Variants in LRPPRC observed in about 807,000 individuals in gnomAD.
LRPPRC encodes leucine rich pentatricopeptide repeat containing.
A neutral mutation model predicts 180.3 loss-of-function variants in LRPPRC; 120 were observed. The observed-to-expected ratio is 0.67, with a 90% CI of 0.57 to 0.77. The LOEUF is 0.77. LRPPRC is among the 30% of genes least tolerant of loss of function. The pLI, the probability that LRPPRC is intolerant of heterozygous loss-of-function variation, is 0.00. For missense variants in LRPPRC, 2,012 were observed against 1,657.2 expected (o/e 1.21, Z -3.72); for synonymous variants, 723 against 600.0 (o/e 1.21, Z -3.00).
intron 23 of LRPPRC, among the ~76,000 whole-genome samples, chr2:43,937,473 CT>C (rs2105065586): frequency 6.6e-6 from 1 of 152,232 alleles, no homozygotes; most frequent in East Asian, 1.9e-4. Context: ...CACTATTAAT[CT>C]TTCATAATAA....
At chr2:43,925,661 T>C (rs1671850253) in intron 26 of LRPPRC, among the ~76,000 whole-genome samples, 2 of 152,138 alleles carry the variant, frequency 1.3e-5, no homozygotes, top group African/African-American at 4.8e-5. Flanking sequence ...GTCAGCCTGC[T>C]CCAACCAACT....
chr2:43,932,123 CAA>C (rs746600862), intron 25 of LRPPRC, among the ~76,000 whole-genome samples: 6 of 20,840 alleles, frequency 2.9e-4, no homozygotes, highest in African/African-American at 7.6e-4. Flanking sequence ...GACCCTGTCT[CAA>C]AAAAAAAAAA....
chr2:43,984,719 G>A (rs1429202665), intron 1 of LRPPRC, among the ~76,000 whole-genome samples: 4 of 152,176 alleles, frequency 2.6e-5, no homozygotes, highest in African/African-American at 7.2e-5. Flanking sequence ...AAGTCCAGGG[G>A]TGACGGTGGG....
chr2:43,948,639 G>A, intron 16 of LRPPRC, 121 bp from the exon 17 acceptor site: 1 of 699,076 alleles, frequency 1.4e-6, no homozygotes, highest in Non-Finnish European at 2.6e-6. Flanking sequence ...GCTCTGAAAT[G>A]GCAACAATGA....
chr2:43,906,868 G>A (rs992352999), intron 30 of LRPPRC, among the ~76,000 whole-genome samples: 12 of 151,970 alleles, frequency 7.9e-5, no homozygotes, highest in Admixed American at 4.6e-4. Flanking sequence ...TTATTCCTCC[G>A]ACCAATCCTC....
intron 31 of LRPPRC, among the ~76,000 whole-genome samples, chr2:43,904,957 C>A (rs1483570695): frequency 6.6e-6 from 1 of 152,026 alleles, no homozygotes; most frequent in East Asian, 1.9e-4. Flanking sequence ...CGTCATAGTG[C>A]CCCTTGGGAG....
chr2:43,897,663 G>A (rs1319646780), intron 34 of LRPPRC, among the ~76,000 whole-genome samples: 1 of 152,006 alleles, frequency 6.6e-6, no homozygotes, highest in Non-Finnish European at 1.5e-5. Flanking sequence ...CTCTGCTGTT[G>A]CATCAACACT....
intron 15 of LRPPRC, among the ~76,000 whole-genome samples, chr2:43,950,316 C>G (rs558152654): frequency 6.6e-6 from 1 of 152,022 alleles, no homozygotes; most frequent in Non-Finnish European, 1.5e-5. Flanking sequence ...CACAGATCAT[C>G]CCATCACCCA....
At chr2:43,933,124 T>C (rs1672149341) in intron 25 of LRPPRC, among the ~76,000 whole-genome samples, 1 of 152,192 alleles carries the variant, frequency 6.6e-6, no homozygotes, top group Admixed American at 6.6e-5. Flanking sequence ...CTGTCCAAGA[T>C]AGCACGATAG....
chr2:43,894,714 A>T (rs1670619075), intron 35 of LRPPRC, 85 bp from the exon 36 acceptor site: 6 of 756,628 alleles, frequency 7.9e-6, no homozygotes, highest in Non-Finnish European at 1.2e-5. Context: ...TATATTAAAA[A>T]TTTTCACAAT....
rs1366538326 is a variant in LRPPRC at position 43,896,658 on chromosome 2, A to G, written c.3876T>C (p.Leu1292=). 1.2e-6 allele frequency: 2 copies of G among 1,611,192 alleles called. No individual in the cohort carries two copies. The highest frequency in any genetic ancestry group is 1.7e-6 in the Non-Finnish European group (2 of 1,177,412). ...CCTTTCCTTGTTTCCTAGAATTCCT[A>G]AGGAGGAACAACAACAAAATCGGGG... ...EQTPILLLFL[L]RNSRKQGKAS... is the part of the protein sequence containing the mutation. Residue 1292 remains leucine (L), a synonymous_variant, in exon 35 of 38, where the codon CTT becomes CTC. Transcript: ENST00000260665.
Position 43,988,639 on chromosome 2 carries a change from A to C in LRPPRC, c.150-6205T>G, listed in dbSNP as rs564040215. On this transcript the variant is annotated intron_variant, in intron 1 of 37. Coordinates refer to ENST00000260665, the MANE Select transcript of LRPPRC (RefSeq NM_133259.4). The stretch of plus-strand genomic sequence containing the variant: ...AGTTTTTGTTTGTTTGTTTTTTGAG[A>C]TGGAGTCTCGCTCTGTCACCTCCGG... 2.4e-3 allele frequency among the ~76,000 whole-genome samples: 363 copies of C among 152,214 alleles called. 3 individuals carry two copies. Among genetic ancestry groups the C allele is most frequent in the African/African-American group, 8.2e-3 (340 of 41,550 alleles).
intron 27 of LRPPRC, among the ~76,000 whole-genome samples, chr2:43,924,086 A>C (rs558261832): frequency 1.7e-4 from 26 of 152,342 alleles, no homozygotes; most frequent in Admixed American, 5.2e-4. Flanking sequence ...TTTTATTTAC[A>C]TCATCGAGAT....
rs1674097675 is a variant in LRPPRC at position 43,977,215 on chromosome 2, A to G, written c.531T>C (p.Tyr177=). 5.0e-6 allele frequency: 8 copies of G among 1,604,704 alleles called. No individual in the cohort carries two copies. In the East Asian group the frequency reaches 8.9e-5, roughly 18 times the overall value. The change falls in exon 4 of 38, where the codon TAT becomes TAC. Residue 177 remains tyrosine (Y), a synonymous_variant. Transcript: ENST00000260665. ...ALLKVYLQNE[Y]KFSPTDFLAK... is the part of the protein sequence containing the mutation. ...CCAGGAAATCAGTTGGTGAGAATTT[A>G]TATTCATTTTGAAGATAGACTTTAA...
intron 23 of LRPPRC, among the ~76,000 whole-genome samples, chr2:43,942,962 A>G (rs1672538077): frequency 6.6e-6 from 1 of 152,108 alleles, no homozygotes; most frequent in African/African-American, 2.4e-5. Flanking sequence ...TGCAGTCTCC[A>G]TGTAATGCAG....
At chr2:43,977,479 T>TA (rs1674111589) in intron 3 of LRPPRC, among the ~76,000 whole-genome samples, 1 of 152,174 alleles carries the variant, frequency 6.6e-6, no homozygotes, top group Non-Finnish European at 1.5e-5. Context: ...TGAGTTACTG[T>TA]ATAGTTACAA....
chr2:43,945,358 A>G lies in LRPPRC; in HGVS notation c.2270T>C (p.Val757Ala). 1.2e-6 allele frequency: 2 copies of G among 1,612,398 alleles called. No individual in the cohort carries two copies. Among genetic ancestry groups the G allele is most frequent in the Non-Finnish European group, 8.5e-7 (1 of 1,178,636 alleles). The change falls in exon 22 of 38, where the codon GTA (valine) becomes GCA (alanine). Residue 757 changes from valine (V) to alanine (A), a missense_variant. Transcript: ENST00000260665. ...DTGKYVGLVRVLAKHGKLQDA... is the reference protein window; with the variant it reads ...DTGKYVGLVRALAKHGKLQDA... ...TTGGAGCTTGCCATGCTTTGCCAAT[A>G]CTCTTACAAGGCCTACATACTTGCC...
chr2:43,917,760 G>A (rs1475169725), intron 29 of LRPPRC, among the ~76,000 whole-genome samples: 1 of 152,076 alleles, frequency 6.6e-6, no homozygotes, highest in Non-Finnish European at 1.5e-5. Flanking sequence ...CTACACTCCA[G>A]CCTGGGCGAC....
chr2:43,889,210 G>A (rs1670387346), intron 37 of LRPPRC, among the ~76,000 whole-genome samples: 1 of 150,878 alleles, frequency 6.6e-6, no homozygotes, highest in South Asian at 2.1e-4. Flanking sequence ...AGCTACTTGG[G>A]AGGCTGAGGC....
Sources: gnomAD v4.1 joint callset for allele counts (sites outside exome capture counted in the v4.1 genomes callset) on GRCh38, gnomAD v4.1.1 for gene constraint, MANE v1.5 for transcripts, NCBI Gene and HGNC (gene_info 2026-07-23, HGNC 2026-07-21) for gene names.